Variants in ZNF445 observed in about 807,000 individuals in gnomAD.
The protein encoded by ZNF445 is zinc finger protein 168.
A neutral mutation model predicts 93.9 loss-of-function variants in ZNF445; 19 were observed. That is an observed-to-expected ratio of 0.20 (90% CI 0.14 to 0.30). ZNF445 has a LOEUF of 0.30. ZNF445 is among the 10% of genes least tolerant of loss of function. The probability of loss-of-function intolerance (pLI) is 1.00; values close to 1 mark genes in which losing one functional copy is unlikely to be tolerated. For missense variants in ZNF445, 1,058 were observed against 1,259.4 expected, an observed-to-expected ratio of 0.84 and a Z score of 2.42; for synonymous variants, 449 against 446.3, an observed-to-expected ratio of 1.01 and a Z score of -0.08.
At chr3:44,450,085 C>G (rs1421429251) in intron 6 of ZNF445, 1 of 311,584 alleles carries the variant, frequency 3.2e-6, no homozygotes, top group Non-Finnish European at 6.2e-6. Flanking sequence ...GGATTACAGG[C>G]GTGCGTACCA....
rs759713549 is a variant in ZNF445, at chr3:44,455,203, T to C, written c.347A>G (p.Gln116Arg). ...ILPGELRVWV[Q>R]LHNPESGEEA... ...CTCGCCACTCTCAGGGTTATGAAGC[T>C]GCACCCAAACCCGGAGCTCCCCAGG... is the stretch of plus-strand genomic sequence containing the variant. Residue 116 changes from glutamine to arginine, a missense_variant, in exon 3 of 8, where the codon CAG (glutamine) becomes CGG (arginine). Around this residue, in one of 3 missense-constraint regions of ZNF445, gnomAD observed 657 missense variants for 746.4 expected, o/e 0.88. Coordinates refer to ENST00000396077, the MANE Select transcript of ZNF445 (RefSeq NM_181489.6). 3.1e-6 allele frequency: 5 copies of C among 1,614,196 alleles called. No homozygotes were observed. Among genetic ancestry groups the C allele is most frequent in the Non-Finnish European group, 4.2e-6 (5 of 1,180,032 alleles).
At chr3:44,471,801 G>A (rs1006898336) in intron 1 of ZNF445, among the ~76,000 whole-genome samples, 2 of 152,040 alleles carry the variant, frequency 1.3e-5, no homozygotes, top group Admixed American at 1.3e-4. Flanking sequence ...TACAGTTCTG[G>A]CAGAGAACTG....
intron 1 of ZNF445, among the ~76,000 whole-genome samples, chr3:44,466,669 A>G (rs1698199838): frequency 6.6e-6 from 1 of 152,160 alleles, no homozygotes; most frequent in South Asian, 2.1e-4. Context: ...TCTTTAAAAG[A>G]TGGTTTTATA....
Position 44,439,008 on chromosome 3 carries a change from T to TA in ZNF445, c.*7566dup, listed in dbSNP as rs111801003. 80,737 of 143,508 alleles carry TA rather than the reference T, an allele frequency of 0.56. 22,500 individuals carry two copies. Among genetic ancestry groups the TA allele is most frequent in the East Asian group, 0.84 (4,142 of 4,922 alleles). 8.9% of individuals were successfully genotyped at this position (143,508 alleles called of 1,614,324 possible). On this transcript the variant is annotated 3_prime_UTR_variant, in exon 8 of 8. Coordinates refer to ENST00000396077, the MANE Select transcript of ZNF445 (RefSeq NM_181489.6). ...ATTGTGCACATGTACCCTAAAAGTA[T>TA]AAAAAAAAAAAAAACAAGGACTCCA... is the stretch of plus-strand genomic sequence containing the variant.
chr3:44,457,541 C>A (rs1375385518), intron 2 of ZNF445, among the ~76,000 whole-genome samples: 4 of 152,290 alleles, frequency 2.6e-5, no homozygotes, highest in Middle Eastern at 6.8e-3. Flanking sequence ...GGATTACAGG[C>A]ATGAGCCACT....
At chr3:44,460,935 C>T (rs1410423502) in intron 1 of ZNF445, among the ~76,000 whole-genome samples, 2 of 152,204 alleles carry the variant, frequency 1.3e-5, no homozygotes, top group Non-Finnish European at 2.9e-5. Context: ...CAGAAGCCAG[C>T]CCAAGCAGCC....
At chr3:44,449,690 T>A in intron 6 of ZNF445, 67 bp from the exon 7 acceptor site, 19 of 1,332,520 alleles carry the variant, frequency 1.4e-5, no homozygotes, top group Non-Finnish European at 1.8e-5. Context: ...TCAGGACCTC[T>A]GGGCCTGAAG....
chr3:44,451,379 G>T lies in ZNF445; in HGVS notation c.533C>A (p.Ala178Asp), dbSNP rs774415426. ...GGGAGGCTCCAGGTGGTCCCCCAGA[G>T]CAGAGCTGCTCCTGAGAGGTGAAGC... ...SLASPLRSSS[A>D]LGDHLEPPYE... The change falls in exon 4 of 8, where the codon GCT (alanine) becomes GAT (aspartate). Residue 178 changes from alanine (A) to aspartate (D), a missense_variant. Ala to Asp is a moderately radical substitution (Grantham distance 126, BLOSUM62 -2). This residue lies in a region of ZNF445 where 657 missense variants were observed against 746.4 expected (regional missense o/e 0.88). Transcript: ENST00000396077. 6.2e-6 allele frequency: 10 copies of T among 1,614,084 alleles called. No homozygotes were observed. The highest frequency in any genetic ancestry group is 8.5e-6 in the Non-Finnish European group (10 of 1,180,050).
chr3:44,451,400 G>A lies in ZNF445; in HGVS notation c.512C>T (p.Ser171Leu). The change falls in exon 4 of 8, where the codon TCA (serine) becomes TTA (leucine). Residue 171 changes from serine (S) to leucine (L), a missense_variant. This residue lies in a region of ZNF445 where 657 missense variants were observed against 746.4 expected (regional missense o/e 0.88). Transcript: ENST00000396077. ...LRSAQIWSLA[S>L]PLRSSSALGD... is the part of the protein sequence containing the mutation. The stretch of plus-strand genomic sequence containing the variant: ...CAGAGCAGAGCTGCTCCTGAGAGGT[G>A]AAGCAAGGGACCATATCTGTGCAGA... 2 of 1,614,192 alleles carry A rather than the reference G, an allele frequency of 1.2e-6. No individual in the cohort carries two copies. Among genetic ancestry groups the A allele is most frequent in the Non-Finnish European group, 1.7e-6 (2 of 1,180,030 alleles).
At position 44,436,552 on chromosome 3, in the gene ZNF445, T is replaced by C. The variant is rs1481619664; in HGVS notation, c.*10023A>G. The C allele has an allele frequency of 1.3e-5, 2 of 152,242 alleles. No individual in the cohort carries two copies. The highest frequency in any genetic ancestry group is 2.9e-5 in the Non-Finnish European group (2 of 68,050). The allele number at this position is 152,242 out of a possible 1,614,324, so 9.4% of individuals were successfully genotyped here. A position where few individuals can be genotyped will look rare whatever the true frequency, so the allele number is the denominator to read the frequency against. ...TACATGATAAATACTCAAGCATTTT[T>C]ATCTCCTTAAGCATTTACATATCTT... is the stretch of plus-strand genomic sequence containing the variant. On this transcript the variant is annotated 3_prime_UTR_variant, in exon 8 of 8. Coordinates refer to ENST00000396077, the MANE Select transcript of ZNF445 (RefSeq NM_181489.6).
chr3:44,447,522 C>A lies in ZNF445; in HGVS notation c.2149G>T (p.Asp717Tyr). Reference sequence around the variant, plus strand: ...ATAAAGGCTGACCTATAGGCAAAGTCCTTCCCACAATCGCTACACTGGTAA... The same window carrying A: ...ATAAAGGCTGACCTATAGGCAAAGTACTTCCCACAATCGCTACACTGGTAA... ...KPYQCSDCGK[D>Y]FAYRSAFIVH... The change falls in exon 8 of 8, where the codon GAC becomes TAC. Residue 717 changes from aspartate (D) to tyrosine (Y), a missense_variant. Physicochemically the swap from Asp to Tyr is radical, Grantham distance 160. This residue lies in a region of ZNF445 where 387 missense variants were observed against 475.7 expected (regional missense o/e 0.81). Coordinates refer to ENST00000396077, the MANE Select transcript of ZNF445 (RefSeq NM_181489.6). The surrounding 1 kb of genome is among the most constrained non-coding windows in gnomAD (Gnocchi z 4.7). 6.2e-7 allele frequency: 1 copy of A among 1,614,176 alleles called. No homozygotes were observed. The highest frequency in any genetic ancestry group is 1.1e-5 in the South Asian group (1 of 91,074).
intron 1 of ZNF445, among the ~76,000 whole-genome samples, chr3:44,465,604 A>G (rs1698181928): frequency 6.6e-6 from 1 of 152,184 alleles, no homozygotes; most frequent in Non-Finnish European, 1.5e-5. Context: ...ATAGAGATAT[A>G]AACTTTTATT....
chr3:44,468,055 G>T (rs1166196213), intron 1 of ZNF445, among the ~76,000 whole-genome samples: 1 of 152,156 alleles, frequency 6.6e-6, no homozygotes, highest in East Asian at 1.9e-4. Context: ...TAATGTTCTA[G>T]CCATGCAAGC....
intron 7 of ZNF445, 21 bp downstream of exon 7, chr3:44,449,491 TG>T: frequency 6.3e-7 from 1 of 1,584,206 alleles, no homozygotes; most frequent in Non-Finnish European, 8.7e-7. Context: ...GAGCAGGACC[TG>T]GCAGGTTCTC....
intron 1 of ZNF445, among the ~76,000 whole-genome samples, chr3:44,459,196 C>A (rs1192198814): frequency 6.6e-6 from 1 of 152,150 alleles, no homozygotes; most frequent in Non-Finnish European, 1.5e-5. Flanking sequence ...ATCTCTTCAT[C>A]TAGTTGTTTA....
Position 44,448,203 on chromosome 3 carries a change from A to C in ZNF445, c.1468T>G (p.Cys490Gly), listed in dbSNP as rs779232621. The C allele has an allele frequency of 6.2e-7, 1 of 1,614,212 alleles. No individual in the cohort carries two copies. Among genetic ancestry groups the C allele is most frequent in the East Asian group, 2.2e-5 (1 of 44,872 alleles). Residue 490 changes from cysteine (C) to glycine (G), a missense_variant, in exon 8 of 8, where the codon TGT becomes GGT. Cys to Gly is a radical substitution (Grantham distance 159). Coordinates refer to ENST00000396077, the MANE Select transcript of ZNF445 (RefSeq NM_181489.6). ...TVGVSFKCSD[C>G]GRTFSHSSHL... Reference sequence around the variant, plus strand: ...GAGCTATGACTGAAAGTCCTTCCACAGTCACTGCACTTAAATGACACTCCC... The same window carrying C: ...GAGCTATGACTGAAAGTCCTTCCACCGTCACTGCACTTAAATGACACTCCC...
intron 5 of ZNF445, 142 bp downstream of exon 5, chr3:44,450,726 T>C: frequency 7.7e-7 from 1 of 1,290,560 alleles, no homozygotes. Flanking sequence ...CCTCTGGGCT[T>C]GAGGGGGATA....
At position 44,434,252 on chromosome 3, in the gene ZNF445, A is replaced by G. The variant is rs1457103792; in HGVS notation, c.*12323T>C. 2 of 12,176 alleles carry G rather than the reference A, an allele frequency of 1.6e-4. No individual in the cohort carries two copies. The highest frequency in any genetic ancestry group is 4.0e-4 in the Non-Finnish European group (2 of 5,010). 0.8% of individuals were successfully genotyped at this position (12,176 alleles called of 1,614,324 possible). Reference sequence around the variant, plus strand: ...ACATGGTGAAACCCTGCCTTTACCAAAAAAAAAAAAAAAAAAATTAGCCGG... The same window carrying G: ...ACATGGTGAAACCCTGCCTTTACCAGAAAAAAAAAAAAAAAAATTAGCCGG... On this transcript the variant is annotated 3_prime_UTR_variant, in exon 8 of 8. Transcript: ENST00000396077.
At chr3:44,468,298 G>C (rs1200925423) in intron 1 of ZNF445, among the ~76,000 whole-genome samples, 1 of 152,196 alleles carries the variant, frequency 6.6e-6, no homozygotes, top group Non-Finnish European at 1.5e-5. Context: ...GACAGTGAAA[G>C]AGATCTAACT....
Sources: allele counts gnomAD v4.1 joint callset (sites outside exome capture counted in the v4.1 genomes callset), GRCh38; gene constraint gnomAD v4.1.1; regional missense constraint gnomAD v4.1.1; non-coding constraint Gnocchi (gnomAD v3.1); transcripts MANE v1.5; gene names NCBI Gene and HGNC (gene_info 2026-07-23, HGNC 2026-07-21).